Variants in DFFA observed in about 807,000 individuals in gnomAD.
DFFA encodes the protein DNA fragmentation factor subunit alpha.
In DFFA, 14 loss-of-function variants were observed where a neutral mutation model predicts 28.0. The ratio of observed to expected loss-of-function variants is 0.50; its 90% CI spans 0.33 to 0.78. The LOEUF (loss-of-function observed/expected upper bound fraction) is 0.78, where lower values mean the gene tolerates loss of function less well. Ranked by LOEUF, DFFA falls within the 30% of genes least tolerant of loss-of-function variation. DFFA has a pLI of 0.02. For missense variants in DFFA, 395 were observed against 407.1 expected, an observed-to-expected ratio of 0.97 and a Z score of 0.26; for synonymous variants, 158 against 170.3, an observed-to-expected ratio of 0.93 and a Z score of 0.56.
chr1:10,462,445 T>C lies in DFFA; in HGVS notation c.783+613A>G, dbSNP rs894068820. The C allele has an allele frequency of 5.1e-6, 5 of 987,686 alleles. No individual in the cohort carries two copies. In the African/African-American group the frequency reaches 8.7e-5, roughly 17 times the overall value. 61.2% of individuals were successfully genotyped at this position (987,686 alleles called of 1,614,324 possible). On this transcript the variant is annotated intron_variant, in intron 5 of 5. Transcript: ENST00000377038. ...ACTGTGCCCGGACAAGCATGGGCCT[T>C]TTCTTACAACACCAACAGGAAGAAG...
Position 10,472,441 on chromosome 1 carries a change from G to A in DFFA, c.18C>T (p.Asp6=). 2 of 1,610,630 alleles carry A rather than the reference G, an allele frequency of 1.2e-6. No individual in the cohort carries two copies. Among genetic ancestry groups the A allele is most frequent in the Non-Finnish European group, 1.7e-6 (2 of 1,178,184 alleles). ...TCTCGCCAGATTCTGGTACCCCGGC[G>A]TCCCCGGTCACCTCCATCCTCCACA... The part of the protein sequence containing the change: MEVTG[D]AGVPESGEIR... The change falls in exon 1 of 6, where the codon GAC becomes GAT. Residue 6 remains aspartate, a synonymous_variant. Transcript: ENST00000377038. The surrounding 1 kb of genome is among the most constrained non-coding windows in gnomAD (Gnocchi z 5.0).
Position 10,461,499 on chromosome 1 carries a change from A to G in DFFA, c.987T>C (p.Asp329=). Residue 329 remains aspartate (D), a synonymous_variant, in exon 6 of 6, where the codon GAT becomes GAC. Coordinates refer to ENST00000377038, the MANE Select transcript of DFFA (RefSeq NM_004401.3). ...ACACTTCCCGCTGCTGCTATGTGGG[A>G]TCCTGTCTGGCTCGCTTAGGATTCT... is the stretch of plus-strand genomic sequence containing the variant. The part of the protein sequence containing the change: ...DLQNPKRARQ[D]PT 1 of 1,613,800 alleles carries G rather than the reference A, an allele frequency of 6.2e-7. No individual in the cohort carries two copies. Among genetic ancestry groups the G allele is most frequent in the Non-Finnish European group, 8.5e-7 (1 of 1,179,882 alleles).
intron 3 of DFFA, among the ~76,000 whole-genome samples, chr1:10,466,578 C>A (rs1641026612): frequency 6.6e-6 from 1 of 152,038 alleles, no homozygotes; most frequent in African/African-American, 2.4e-5. Flanking sequence ...GTGAAGCCAT[C>A]TACTCCAACG....
At chr1:10,471,859 A>G (rs1641102897) in intron 1 of DFFA, among the ~76,000 whole-genome samples, 1 of 152,166 alleles carries the variant, frequency 6.6e-6, no homozygotes, top group Non-Finnish European at 1.5e-5. Flanking sequence ...GTCACTTACA[A>G]CTCACGTTCC....
In DFFA at chr1:10,461,399, G is replaced by C. The variant is rs1640936382; in HGVS notation, c.*91C>G. On this transcript the variant is annotated 3_prime_UTR_variant, in exon 6 of 6. Coordinates refer to ENST00000377038, the MANE Select transcript of DFFA (RefSeq NM_004401.3). ...GGAAGGTGCTCTAAGGCAGGGGGTA[G>C]AGTAGTACATAGGTAGTCAAATGAT... The C allele has an allele frequency of 1.3e-6, 2 of 1,497,566 alleles. No homozygotes were observed. Among genetic ancestry groups the C allele is most frequent in the Admixed American group, 4.3e-5 (2 of 46,634 alleles). The allele number at this position is 1,497,566 out of a possible 1,614,324, so 92.8% of individuals were successfully genotyped here. A position where few individuals can be genotyped will look rare whatever the true frequency, so the allele number is the denominator to read the frequency against.
rs1335552028 is a variant in DFFA, at chr1:10,461,082, T to C, written c.*408A>G. On this transcript the variant is annotated 3_prime_UTR_variant, in exon 6 of 6. Transcript: ENST00000377038. Reference sequence around the variant, plus strand: ...CGCCACCATGGCTGGCTAATTTTTTTTGTATTTTTAGTAGAGACAGGGTTT... The same window carrying C: ...CGCCACCATGGCTGGCTAATTTTTTCTGTATTTTTAGTAGAGACAGGGTTT... 1.3e-5 allele frequency: 2 copies of C among 157,354 alleles called. No homozygotes were observed. Among genetic ancestry groups the C allele is most frequent in the East Asian group, 3.6e-4 (2 of 5,484 alleles). The allele number at this position is 157,354 out of a possible 1,614,324, so 9.7% of individuals were successfully genotyped here. A position where few individuals can be genotyped will look rare whatever the true frequency, so the allele number is the denominator to read the frequency against.
chr1:10,461,686 T>C lies in DFFA; in HGVS notation c.800A>G (p.Asp267Gly), dbSNP rs553045714. 2 of 1,613,990 alleles carry C rather than the reference T, an allele frequency of 1.2e-6. No individual in the cohort carries two copies. The highest frequency in any genetic ancestry group is 1.7e-6 in the Non-Finnish European group (2 of 1,179,968). The change falls in exon 6 of 6, where the codon GAC becomes GGC. Residue 267 changes from aspartate (D) to glycine (G), a missense_variant. Coordinates refer to ENST00000377038, the MANE Select transcript of DFFA (RefSeq NM_004401.3). ...CAAGGCAACAGCCAGTGCTTTGGGG[T>C]CTTCCTTGGTAACCAACTGCAGCAA... ...SQDLELVTKE[D>G]PKALAVALNW...
chr1:10,467,514 ATTT>A (rs373985522), intron 2 of DFFA, among the ~76,000 whole-genome samples, 182 bp from the exon 3 acceptor site: 2 of 142,842 alleles, frequency 1.4e-5, no homozygotes, highest in Non-Finnish European at 1.5e-5. Flanking sequence ...CTCTTCTTTC[ATTT>A]TTTTTTTTTT....
rs556284665 is a variant in DFFA at position 10,462,149 on chromosome 1, C to T, written c.784-447G>A. Among the ~76,000 whole-genome samples, 71 of 152,092 alleles carry T rather than the reference C, an allele frequency of 4.7e-4. No individual in the cohort carries two copies. The East Asian group carries it at 5.2e-3, about 11-fold the overall frequency. On this transcript the variant is annotated intron_variant, in intron 5 of 5. Transcript: ENST00000377038. ...CTGGGATTACAGGCGTGAGCCACCG[C>T]GCCCAGCCTGCCATGGGCTTTTTTA...
chr1:10,461,782 G>T, intron 5 of DFFA, 80 bp from the exon 6 acceptor site: 7 of 1,567,766 alleles, frequency 4.5e-6, no homozygotes, highest in Non-Finnish European at 6.0e-6. Context: ...CTTTTGGGGA[G>T]TGCAATGAGG....
intron 1 of DFFA, among the ~76,000 whole-genome samples, chr1:10,469,754 C>T (rs182381372): frequency 6.6e-6 from 1 of 152,182 alleles, no homozygotes; most frequent in Admixed American, 6.5e-5. Context: ...CTCCTGACCT[C>T]ATGATCCACC....
chr1:10,469,853 T>C (rs1557796658), intron 1 of DFFA, among the ~76,000 whole-genome samples: 1 of 150,682 alleles, frequency 6.6e-6, no homozygotes, highest in Non-Finnish European at 1.5e-5. Flanking sequence ...TTTTTTTTTT[T>C]TGAGACAGGC....
chr1:10,465,772 G>C (rs1413301300), intron 3 of DFFA, among the ~76,000 whole-genome samples: 1 of 151,770 alleles, frequency 6.6e-6, no homozygotes, highest in African/African-American at 2.4e-5. Context: ...GCTCACTGAA[G>C]CCTTGACCAC....
At chr1:10,462,409 A>G in intron 5 of DFFA, 1 of 986,962 alleles carries the variant, frequency 1.0e-6, no homozygotes, top group Non-Finnish European at 1.2e-6. Flanking sequence ...TGGCATTAAC[A>G]GGCGTAAGCC....
In DFFA at chr1:10,459,733, A is replaced by ATTTT. The variant is rs1481160208; in HGVS notation, c.*1756_*1757insAAAA. The ATTTT allele has an allele frequency of 1.3e-5, 2 of 151,130 alleles. No individual in the cohort carries two copies. Among genetic ancestry groups the ATTTT allele is most frequent in the African/African-American group, 4.9e-5 (2 of 41,226 alleles). The allele number at this position is 151,130 out of a possible 1,614,324, so 9.4% of individuals were successfully genotyped here. A position where few individuals can be genotyped will look rare whatever the true frequency, so the allele number is the denominator to read the frequency against. Reference sequence around the variant, plus strand: ...TGCCCTTGATGGTTACCTTTTTAAAAAAAAAAAAAAAAAAGTAGGGTCTTA... The same window carrying ATTTT: ...TGCCCTTGATGGTTACCTTTTTAAAATTTTAAAAAAAAAAAAAAGTAGGGTCTTA... On this transcript the variant is annotated 3_prime_UTR_variant, in exon 6 of 6. Transcript: ENST00000377038.
Position 10,461,459 on chromosome 1 carries a change from C to T in DFFA, c.*31G>A. On this transcript the variant is annotated 3_prime_UTR_variant, in exon 6 of 6. Coordinates refer to ENST00000377038, the MANE Select transcript of DFFA (RefSeq NM_004401.3). Reference sequence around the variant, plus strand: ...GGTGTCTACCAATAACACAACGCCACAGAGCTTCCTTGGCACACTTCCCGC... The same window carrying T: ...GGTGTCTACCAATAACACAACGCCATAGAGCTTCCTTGGCACACTTCCCGC... 1 of 1,599,766 alleles carries T rather than the reference C, an allele frequency of 6.3e-7. No individual in the cohort carries two copies. The highest frequency in any genetic ancestry group is 8.5e-7 in the Non-Finnish European group (1 of 1,172,338).
chr1:10,469,988 G>A (rs1641074003), intron 1 of DFFA, among the ~76,000 whole-genome samples: 1 of 151,646 alleles, frequency 6.6e-6, no homozygotes, highest in Non-Finnish European at 1.5e-5. Context: ...GCTAATTTTT[G>A]TATTTTTAGT....
chr1:10,470,422 C>CTTT (rs59658414), intron 1 of DFFA, among the ~76,000 whole-genome samples: 5 of 107,288 alleles, frequency 4.7e-5, no homozygotes, highest in African/African-American at 7.1e-5. Context: ...CAGTTTTCCT[C>CTTT]TTTTTTTTTT....
intron 2 of DFFA, among the ~76,000 whole-genome samples, chr1:10,468,372 T>C (rs1641050182): frequency 6.6e-6 from 1 of 150,986 alleles, no homozygotes; most frequent in Non-Finnish European, 1.5e-5. Context: ...CATTTATTCT[T>C]GGTTATCACA....
Sources: gnomAD v4.1 joint callset for allele counts (sites outside exome capture counted in the v4.1 genomes callset) on GRCh38, gnomAD v4.1.1 for gene constraint, Gnocchi (gnomAD v3.1) non-coding constraint, MANE v1.5 for transcripts, NCBI Gene and HGNC (gene_info 2026-07-23, HGNC 2026-07-21) for gene names.